Variants in ERC2 observed in about 807,000 individuals in gnomAD.
The protein encoded by ERC2 is ERC protein 2.
A neutral mutation model predicts 114.8 loss-of-function variants in ERC2; 42 were observed. The observed-to-expected ratio is 0.37, with a 90% CI of 0.29 to 0.47. The LOEUF (loss-of-function observed/expected upper bound fraction) is 0.47. Ranked by LOEUF, ERC2 falls within the 20% of genes least tolerant of loss-of-function variation. ERC2 has a pLI of 0.99. For synonymous variants in ERC2, 454 were observed against 425.5 expected, an observed-to-expected ratio of 1.07 and a Z score of -0.82; for missense variants, 939 against 1,150.7, an observed-to-expected ratio of 0.82 and a Z score of 2.66.
At chr3:55,944,096 A>T (rs1224157577) in intron 13 of ERC2, among the ~76,000 whole-genome samples, 2 of 152,184 alleles carry the variant, frequency 1.3e-5, no homozygotes, top group Non-Finnish European at 2.9e-5. Flanking sequence ...ATAAGAGATG[A>T]CTATACCATT....
At chr3:55,715,476 C>T (rs1485645029) in intron 15 of ERC2, among the ~76,000 whole-genome samples, 1 of 152,162 alleles carries the variant, frequency 6.6e-6, no homozygotes. Context: ...TTCCCACACA[C>T]TGAACTTGGT....
At chr3:56,188,102 C>T (rs1220221558) in intron 3 of ERC2, among the ~76,000 whole-genome samples, 1 of 152,126 alleles carries the variant, frequency 6.6e-6, no homozygotes, top group East Asian at 1.9e-4. Flanking sequence ...CCACTAAGTC[C>T]ACTGCAAGGA....
chr3:56,295,611 C>G (rs1200230538), intron 3 of ERC2, among the ~76,000 whole-genome samples: 1 of 152,190 alleles, frequency 6.6e-6, no homozygotes, highest in Admixed American at 6.5e-5. Context: ...ATCCCCAATT[C>G]AGTAATAAAA....
chr3:55,775,530 C>G (rs2068526301), intron 14 of ERC2, among the ~76,000 whole-genome samples: 1 of 111,208 alleles, frequency 9.0e-6, no homozygotes, highest in Admixed American at 9.1e-5. Flanking sequence ...GAATGAGACC[C>G]TGTCTCAAAA....
chr3:55,535,865 G>A (rs375037632), intron 17 of ERC2, among the ~76,000 whole-genome samples: 6 of 152,228 alleles, frequency 3.9e-5, no homozygotes, highest in East Asian at 3.9e-4. Flanking sequence ...ATGGTGGCGG[G>A]TGCCTGTAAT....
At chr3:55,572,797 T>C (rs1393543809) in intron 17 of ERC2, among the ~76,000 whole-genome samples, 7 of 152,230 alleles carry the variant, frequency 4.6e-5, no homozygotes, top group Non-Finnish European at 8.8e-5. Flanking sequence ...TGGTGACCTC[T>C]AGGGTTCTCA....
chr3:56,145,164 T>C (rs1279897505), intron 5 of ERC2, among the ~76,000 whole-genome samples: 1 of 152,172 alleles, frequency 6.6e-6, no homozygotes, highest in Admixed American at 6.5e-5. Context: ...GGCCCTTATG[T>C]CTAGAAAGTG....
At chr3:55,986,104 G>T in intron 11 of ERC2, 116 bp from the exon 12 acceptor site, 1 of 977,230 alleles carries the variant, frequency 1.0e-6, no homozygotes, top group Non-Finnish European at 1.5e-6. Context: ...GCCAACAGAT[G>T]TTATATCAGC....
At position 56,288,171 on chromosome 3, in the gene ERC2, G is replaced by C. The variant is rs1350538435; in HGVS notation, c.1074+7848C>G. ...TCAACTACCCATTGCTGCAGCTTAT[G>C]AAACATGCTAACATACTCACAGAGC... On this transcript the variant is annotated intron_variant, in intron 3 of 17. Transcript: ENST00000288221. 1.3e-5 allele frequency among the ~76,000 whole-genome samples: 2 copies of C among 152,194 alleles called. 1 individual carries two copies. Among genetic ancestry groups the C allele is most frequent in the African/African-American group, 4.8e-5 (2 of 41,454 alleles).
chr3:56,393,875 A>G (rs2060212324), intron 2 of ERC2, among the ~76,000 whole-genome samples: 1 of 152,084 alleles, frequency 6.6e-6, no homozygotes, highest in Non-Finnish European at 1.5e-5. Context: ...TAAGGGAGCC[A>G]TCTCTTGACC....
rs572674137 is a variant in ERC2 at position 55,814,329 on chromosome 3, T to C, written c.2564+74060A>G. On this transcript the variant is annotated intron_variant, in intron 14 of 17. Transcript: ENST00000288221. ...ATACGATACACAAAGCCAGTGGTAA[T>C]ATACTCATTTTGCAGGTAAGAAAAC... 3.4e-4 allele frequency among the ~76,000 whole-genome samples: 52 copies of C among 152,340 alleles called. No individual in the cohort carries two copies. In the South Asian group the frequency reaches 0.011, roughly 32 times the overall value.
Position 55,649,253 on chromosome 3 carries a change from G to A in ERC2, c.*39+34541C>T, listed in dbSNP as rs1380921542. On this transcript the variant is annotated intron_variant, in intron 17 of 17. Transcript: ENST00000288221. ...CTTGATTCTTTCAAAGTTATCCAAC[G>A]CTGAATTTTTTTTTTTTTTTTTTTT... Among the ~76,000 whole-genome samples, 4 of 133,634 alleles carry A rather than the reference G, an allele frequency of 3.0e-5. 1 individual carries two copies. The Admixed American group carries it at 3.7e-4, about 12-fold the overall frequency. The allele number at this position is 133,634 out of a possible 152,430, so 87.7% of individuals were successfully genotyped here.
intron 5 of ERC2, among the ~76,000 whole-genome samples, chr3:56,141,625 A>G (rs1286347015): frequency 6.6e-6 from 1 of 152,212 alleles, no homozygotes; most frequent in African/African-American, 2.4e-5. Flanking sequence ...GCATTATTAC[A>G]ACTATACCAA....
chr3:55,540,661 G>A (rs561629957), intron 17 of ERC2, among the ~76,000 whole-genome samples: 9 of 152,212 alleles, frequency 5.9e-5, no homozygotes, highest in South Asian at 2.1e-4. Context: ...CAGCTTTAAC[G>A]TTCTTTATCC....
At chr3:56,228,069 G>T (rs1560419109) in intron 3 of ERC2, among the ~76,000 whole-genome samples, 1 of 152,182 alleles carries the variant, frequency 6.6e-6, no homozygotes, top group Non-Finnish European at 1.5e-5. Context: ...GCTGGCAGAA[G>T]AGTGATTACC....
At chr3:55,935,435 C>T (rs1030353843) in intron 13 of ERC2, among the ~76,000 whole-genome samples, 9 of 152,208 alleles carry the variant, frequency 5.9e-5, no homozygotes, top group African/African-American at 2.2e-4. Context: ...GAGCCCGGCA[C>T]ACAGCAGGTG....
At chr3:55,517,669 G>A (rs1464236908) in intron 17 of ERC2, among the ~76,000 whole-genome samples, 1 of 152,062 alleles carries the variant, frequency 6.6e-6, no homozygotes, top group African/African-American at 2.4e-5. Flanking sequence ...GGTTCCCAGC[G>A]CCCAGCCATG....
At chr3:56,081,109 C>A in intron 6 of ERC2, 125 bp from the exon 7 acceptor site, 2 of 914,278 alleles carry the variant, frequency 2.2e-6, no homozygotes, top group South Asian at 1.8e-5. Flanking sequence ...GGAACCACTG[C>A]TCATGGCACC....
At chr3:55,558,219 C>G (rs776746148) in intron 17 of ERC2, among the ~76,000 whole-genome samples, 15 of 152,160 alleles carry the variant, frequency 9.9e-5, no homozygotes, top group Admixed American at 3.3e-4. Flanking sequence ...ACTAAATGCC[C>G]TACTATTAAT....
Sources: gnomAD v4.1 joint callset for allele counts (sites outside exome capture counted in the v4.1 genomes callset) on GRCh38, gnomAD v4.1.1 for gene constraint, MANE v1.5 for transcripts, NCBI Gene and HGNC (gene_info 2026-07-23, HGNC 2026-07-21) for gene names.